Variants in ARSF observed in about 807,000 individuals in gnomAD.
ARSF encodes arylsulfatase F.
ARSF carries 33 observed loss-of-function variants against 35.4 expected under a neutral mutation model. That is an observed-to-expected ratio of 0.93 (90% CI 0.71 to 1.25). The LOEUF (loss-of-function observed/expected upper bound fraction) is 1.25, where lower values mean the gene tolerates loss of function less well. ARSF is among the 50% of genes most tolerant of loss of function. ARSF has a pLI of 0.00. For missense variants in ARSF, 501 were observed against 480.2 expected, an observed-to-expected ratio of 1.04 and a Z score of -0.40; for synonymous variants, 222 against 193.1, an observed-to-expected ratio of 1.15 and a Z score of -1.24.
intron 9 of ARSF, among the ~76,000 whole-genome samples, chrX:3,106,502 G>A (rs2090412347): frequency 8.9e-6 from 1 of 111,887 alleles, no homozygotes; most frequent in African/African-American, 3.3e-5. Context: ...ATGAGGGCCT[G>A]TGGATACCTC....
In ARSF at chrX:3,076,548, G is replaced by A; in HGVS notation, c.162G>A (p.Arg54=). 8.3e-7 allele frequency: 1 copy of A among 1,201,177 alleles called. No homozygotes were observed. Among genetic ancestry groups the A allele is most frequent in the Non-Finnish European group, 1.1e-6 (1 of 890,826 alleles). The change falls in exon 4 of 11, where the codon AGG becomes AGA. Residue 54 remains arginine (R), a splice_region_variant and synonymous_variant. Coordinates refer to ENST00000381127, the MANE Select transcript of ARSF (RefSeq NM_001201539.2). ...DLGCYGNDTM[R]TPHIDRLARE... ...ATACACCTTCCCTCTCCCCCTTCAG[G>A]ACGCCTCACATCGACCGCCTTGCCA...
chrX:3,110,355 T>G, intron 10 of ARSF, 103 bp downstream of exon 10: 1 of 862,489 alleles, frequency 1.2e-6, no homozygotes, highest in Non-Finnish European at 1.5e-6. Context: ...GTCCTTTCAT[T>G]CCAGGGCTCA....
chrX:3,076,066 T>C (rs1328993678), intron 3 of ARSF, among the ~76,000 whole-genome samples: 1 of 109,328 alleles, frequency 9.1e-6, no homozygotes, highest in Non-Finnish European at 1.9e-5. Context: ...TGTCTCTCTC[T>C]TAATCTCTGC....
intron 7 of ARSF, among the ~76,000 whole-genome samples, chrX:3,098,337 A>G: frequency 9.5e-6 from 1 of 105,507 alleles, no homozygotes; most frequent in Non-Finnish European, 2.0e-5. Flanking sequence ...AAAACCGTTC[A>G]TACAATATCA....
intron 10 of ARSF, among the ~76,000 whole-genome samples, chrX:3,110,586 A>G (rs17051486): frequency 0.12 from 13,147 of 112,162 alleles, 734 homozygotes; most frequent in African/African-American, 0.22. Context: ...ATAAAGTTAG[A>G]GAGACACTTT....
In ARSF at chrX:3,103,492, T is replaced by C. The variant is rs1287957683; in HGVS notation, c.1103-270T>C. Among the ~76,000 whole-genome samples the C allele has an allele frequency of 2.7e-5, 3 of 111,465 alleles. No individual in the cohort carries two copies. The East Asian group carries it at 8.4e-4, about 31-fold the overall frequency. On this transcript the variant is annotated intron_variant, in intron 8 of 10. Coordinates refer to ENST00000381127, the MANE Select transcript of ARSF (RefSeq NM_001201539.2). ...AAATGAAGTAGGTGTATATTTGAGA[T>C]AAGAACACTTTAAGTAGAGAAAATA...
chrX:3,098,749 G>A (rs761358693), intron 7 of ARSF, among the ~76,000 whole-genome samples: 1 of 111,394 alleles, frequency 9.0e-6, no homozygotes, highest in East Asian at 2.8e-4. Flanking sequence ...GACTAATACA[G>A]TATGTAACAA....
intron 1 of ARSF, among the ~76,000 whole-genome samples, chrX:3,042,599 C>T (rs1226198034): frequency 2.7e-5 from 3 of 110,119 alleles, no homozygotes; most frequent in Admixed American, 9.8e-5. Flanking sequence ...CAGGTTCAAG[C>T]GATTCTCCTG....
chrX:3,112,631 CA>C lies in ARSF; in HGVS notation c.*76del. The C allele has an allele frequency of 9.9e-6, 11 of 1,107,294 alleles. No individual in the cohort carries two copies. The highest frequency in any genetic ancestry group is 2.4e-5 in the South Asian group (1 of 42,035). 91.3% of individuals were successfully genotyped at this position (1,107,294 alleles called of 1,213,427 possible). On this transcript the variant is annotated 3_prime_UTR_variant, in exon 11 of 11. Transcript: ENST00000381127. Reference sequence around the variant, plus strand: ...ATTACAATCAGGCTACCAAAGGAAGCACTAACTTTGGTGCTTTCAAGTTGGC... The same window carrying C: ...ATTACAATCAGGCTACCAAAGGAAGCCTAACTTTGGTGCTTTCAAGTTGGC...
At chrX:3,090,954 A>G (rs1254213295) in intron 7 of ARSF, among the ~76,000 whole-genome samples, 1 of 109,496 alleles carries the variant, frequency 9.1e-6, no homozygotes, top group Non-Finnish European at 1.9e-5. Flanking sequence ...TCTGTCACTC[A>G]GGCAGAAGTG....
intron 9 of ARSF, among the ~76,000 whole-genome samples, chrX:3,108,456 CTT>C (rs1267693592): frequency 3.6e-5 from 4 of 111,667 alleles, no homozygotes; most frequent in African/African-American, 1.3e-4. Context: ...ATTTATTTCT[CTT>C]ATTTGGTGCT....
chrX:3,056,158 C>G (rs1367080329), intron 1 of ARSF, among the ~76,000 whole-genome samples: 1 of 110,847 alleles, frequency 9.0e-6, no homozygotes, highest in Non-Finnish European at 1.9e-5. Context: ...GACAGGGTCT[C>G]ACTAGTTGCC....
intron 2 of ARSF, among the ~76,000 whole-genome samples, chrX:3,071,276 C>T (rs1603464333): frequency 9.0e-6 from 1 of 110,734 alleles, no homozygotes; most frequent in African/African-American, 3.3e-5. Context: ...TGTAAACATG[C>T]GTGTGCAAGT....
intron 7 of ARSF, among the ~76,000 whole-genome samples, chrX:3,098,202 G>A (rs1216445695): frequency 1.8e-5 from 2 of 109,402 alleles, no homozygotes; most frequent in Admixed American, 2.0e-4. Context: ...TGAGCTCAAG[G>A]GATCCGCCTT....
intron 4 of ARSF, among the ~76,000 whole-genome samples, chrX:3,080,342 C>T (rs2090190662): frequency 9.1e-6 from 1 of 109,670 alleles, no homozygotes; most frequent in South Asian, 4.1e-4. Flanking sequence ...GGTGTGGTGG[C>T]GTGCACCCAT....
intron 1 of ARSF, among the ~76,000 whole-genome samples, chrX:3,063,089 C>T (rs1430982150): frequency 9.0e-6 from 1 of 111,711 alleles, no homozygotes; most frequent in Non-Finnish European, 1.9e-5. Context: ...AGCAGCACAT[C>T]GAAAAGCTTA....
intron 4 of ARSF, among the ~76,000 whole-genome samples, chrX:3,078,713 T>C (rs1405984430): frequency 9.0e-6 from 1 of 111,433 alleles, no homozygotes; most frequent in Non-Finnish European, 1.9e-5. Flanking sequence ...TTAACCAGGC[T>C]GGTCTTGAAT....
In ARSF at chrX:3,112,373, G is replaced by A. The variant is rs780419563; in HGVS notation, c.1590G>A (p.Val530=). 8.3e-6 allele frequency: 10 copies of A among 1,211,291 alleles called. No individual in the cohort carries two copies. In the South Asian group the frequency reaches 1.6e-4, roughly 19 times the overall value. Residue 530 remains valine (V), a synonymous_variant, in exon 11 of 11, where the codon GTG becomes GTA. Coordinates refer to ENST00000381127, the MANE Select transcript of ARSF (RefSeq NM_001201539.2). ...TPATEPLHDF[V]IKKVANALKE... ...CCACAGAGCCCCTCCATGATTTTGT[G>A]ATTAAAAAGGTGGCCAACGCCCTGA...
intron 2 of ARSF, among the ~76,000 whole-genome samples, chrX:3,071,544 T>C (rs1411705629): frequency 9.0e-6 from 1 of 110,572 alleles, no homozygotes; most frequent in Non-Finnish European, 1.9e-5. Flanking sequence ...CCTCAGGTGA[T>C]CCACCTGCCT....
Sources: gnomAD v4.1 joint callset for allele counts (sites outside exome capture counted in the v4.1 genomes callset) on GRCh38, gnomAD v4.1.1 for gene constraint, MANE v1.5 for transcripts, NCBI Gene and HGNC (gene_info 2026-07-23, HGNC 2026-07-21) for gene names.